The following ADAM22 variants were observed in gnomAD, a reference collection of about 807,000 sequenced individuals.
ADAM22 encodes the protein disintegrin and metalloproteinase domain-containing protein 22.
Under a neutral mutation model 144.6 loss-of-function variants are expected in ADAM22, and 65 were observed. The ratio of observed to expected loss-of-function variants is 0.45; its 90% CI spans 0.37 to 0.55. The LOEUF is 0.55. Ranked by LOEUF, ADAM22 falls within the 20% of genes least tolerant of loss-of-function variation. ADAM22 has a pLI of 0.00. For synonymous variants in ADAM22, 391 were observed against 412.6 expected, an observed-to-expected ratio of 0.95 and a Z score of 0.63; for missense variants, 974 against 1,184.9, an observed-to-expected ratio of 0.82 and a Z score of 2.61.
Position 88,024,890 on chromosome 7 carries a change from T to C in ADAM22, c.323+46478T>C, listed in dbSNP as rs910479515. Among the ~76,000 whole-genome samples the C allele has an allele frequency of 2.2e-4, 33 of 152,222 alleles. 2 individuals are homozygous for C. Among genetic ancestry groups the C allele is most frequent in the Non-Finnish European group, 1.5e-5 (1 of 68,042 alleles). On this transcript the variant is annotated intron_variant, in intron 3 of 31. Coordinates refer to ENST00000413139, the MANE Select transcript of ADAM22 (RefSeq NM_001324418.2). The stretch of plus-strand genomic sequence containing the variant: ...TACAAAGGACATGAACTCATCATTT[T>C]TTATGGCTACATAGTATTCCATGGT...
intron 31 of ADAM22, among the ~76,000 whole-genome samples, chr7:88,195,564 A>G (rs1265100624): frequency 3.3e-5 from 5 of 152,060 alleles, no homozygotes; most frequent in African/African-American, 9.7e-5. Flanking sequence ...CGCCCAGGCT[A>G]TAGTGCAATG....
intron 4 of ADAM22, among the ~76,000 whole-genome samples, chr7:88,094,851 A>T (rs753629304): frequency 4.6e-5 from 7 of 152,216 alleles, no homozygotes; most frequent in Non-Finnish European, 8.8e-5. Context: ...TCCAGGACAT[A>T]TCTGTGGTTT....
chr7:88,097,579 T>G (rs978624701), intron 4 of ADAM22, among the ~76,000 whole-genome samples: 3 of 151,060 alleles, frequency 2.0e-5, no homozygotes, highest in Non-Finnish European at 4.4e-5. Context: ...AACGATTTCC[T>G]TTTTTTCCTT....
Position 88,116,738 on chromosome 7 carries a change from A to G in ADAM22, c.538-7A>G, listed in dbSNP as rs748777929. On this transcript the variant is annotated splice_polypyrimidine_tract_variant and splice_region_variant and intron_variant, in intron 6 of 31. Transcript: ENST00000413139. ...ATGCTTAATCACTGTTGCTTGTGTC[A>G]TTTCAGGAGGATTTCCATTTTCATT... is the stretch of plus-strand genomic sequence containing the variant. The G allele has an allele frequency of 1.9e-6, 3 of 1,611,626 alleles. No homozygotes were observed. Among genetic ancestry groups the G allele is most frequent in the South Asian group, 2.2e-5 (2 of 90,928 alleles).
intron 3 of ADAM22, among the ~76,000 whole-genome samples, chr7:87,979,135 G>A (rs1852662314): frequency 6.6e-6 from 1 of 152,094 alleles, no homozygotes. Context: ...GGCAGAATTG[G>A]GCTATAGTTT....
At chr7:87,998,233 C>T (rs1482478709) in intron 3 of ADAM22, among the ~76,000 whole-genome samples, 1 of 152,090 alleles carries the variant, frequency 6.6e-6, no homozygotes, top group Non-Finnish European at 1.5e-5. Context: ...CTCTCCCGGT[C>T]CACTGACTCA....
chr7:87,938,361 G>A (rs1841770090), intron 2 of ADAM22, among the ~76,000 whole-genome samples: 1 of 151,702 alleles, frequency 6.6e-6, no homozygotes. Flanking sequence ...TGGGATTACA[G>A]GCACCCACCA....
In ADAM22 at chr7:88,168,380, A is replaced by C. The variant is rs777083836; in HGVS notation, c.2282+153A>C. 13 of 760,222 alleles carry C rather than the reference A, an allele frequency of 1.7e-5. No individual in the cohort carries two copies. The East Asian group carries it at 3.4e-4, about 20-fold the overall frequency. 47.1% of individuals were successfully genotyped at this position (760,222 alleles called of 1,614,324 possible). ...CAGCCAGTCAATGCTTATTCTTGGCATGGCGAGAAGTGATAATAACATCAT... is the reference window on the plus strand; with the variant it reads ...CAGCCAGTCAATGCTTATTCTTGGCCTGGCGAGAAGTGATAATAACATCAT... On this transcript the variant is annotated intron_variant, in intron 25 of 31. Transcript: ENST00000413139.
At position 87,955,837 on chromosome 7, in the gene ADAM22, G is replaced by A. The variant is rs187465150; in HGVS notation, c.246+20651G>A. 1.8e-3 allele frequency among the ~76,000 whole-genome samples: 279 copies of A among 152,264 alleles called. 2 individuals are homozygous for A. Among genetic ancestry groups the A allele is most frequent in the Non-Finnish European group, 3.0e-3 (206 of 68,014 alleles). ...TAAGCGAGCCTGGGCAATGGTGGGC[G>A]CCCCTCCCCCAGCCTCGCTGCTGCC... On this transcript the variant is annotated intron_variant, in intron 2 of 31. Transcript: ENST00000413139.
At chr7:88,021,165 T>C (rs935438385) in intron 3 of ADAM22, among the ~76,000 whole-genome samples, 1 of 152,174 alleles carries the variant, frequency 6.6e-6, no homozygotes, top group East Asian at 1.9e-4. Context: ...GTCAGCCTCT[T>C]GGGGCACAGG....
intron 14 of ADAM22, among the ~76,000 whole-genome samples, chr7:88,138,559 T>C (rs1328723919): frequency 6.6e-6 from 1 of 152,264 alleles, no homozygotes; most frequent in African/African-American, 2.4e-5. Context: ...CTACCATTTC[T>C]ACTTTCTGAA....
chr7:88,025,598 T>C (rs1366753262), intron 3 of ADAM22, among the ~76,000 whole-genome samples: 1 of 152,216 alleles, frequency 6.6e-6, no homozygotes, highest in African/African-American at 2.4e-5. Flanking sequence ...TATCCAGTTT[T>C]CCCAGCACCA....
rs949456251 is a variant in ADAM22 at position 88,110,351 on chromosome 7, T to C, written c.473+2093T>C. 1.1e-4 allele frequency among the ~76,000 whole-genome samples: 16 copies of C among 152,184 alleles called. No individual in the cohort carries two copies. The East Asian group carries it at 1.6e-3, about 15-fold the overall frequency. On this transcript the variant is annotated intron_variant, in intron 5 of 31. Transcript: ENST00000413139. ...GGGGTAAAAAATGAAGTGTTTTTTTTCCCCTTTTCTCTCTCTTAAAATCTC... is the reference window on the plus strand; with the variant it reads ...GGGGTAAAAAATGAAGTGTTTTTTTCCCCCTTTTCTCTCTCTTAAAATCTC...
chr7:87,934,892 T>C, intron 1 of ADAM22, 134 bp from the exon 2 acceptor site: 1 of 1,252,942 alleles, frequency 8.0e-7, no homozygotes, highest in Non-Finnish European at 1.2e-6. Context: ...CCTTCCCAGT[T>C]GGGTTCCGAG....
chr7:87,942,052 G>A (rs1207387994), intron 2 of ADAM22, among the ~76,000 whole-genome samples: 1 of 152,054 alleles, frequency 6.6e-6, no homozygotes, highest in Non-Finnish European at 1.5e-5. Flanking sequence ...GGGCTAATTA[G>A]ATAGGGCCAT....
intron 3 of ADAM22, among the ~76,000 whole-genome samples, chr7:87,979,342 A>G (rs1355018969): frequency 1.3e-5 from 2 of 152,192 alleles, no homozygotes; most frequent in Admixed American, 6.5e-5. Flanking sequence ...GTGGCTGTTT[A>G]AATTTACATT....
intron 2 of ADAM22, among the ~76,000 whole-genome samples, chr7:87,970,727 G>A (rs1210883306): frequency 1.3e-5 from 2 of 152,158 alleles, no homozygotes; most frequent in Non-Finnish European, 2.9e-5. Flanking sequence ...CATGAGAAAC[G>A]AGTGTTATAT....
rs148861065 is a variant in ADAM22 at position 88,002,843 on chromosome 7, A to G, written c.323+24431A>G. Among the ~76,000 whole-genome samples the G allele has an allele frequency of 2.8e-3, 430 of 152,320 alleles. 2 individuals are homozygous for G. The highest frequency in any genetic ancestry group is 8.9e-3 in the East Asian group (46 of 5,188). ...TTCCTCCTTGATCCTGACCCAAGAC[A>G]TAATTCATTTTTAAGAAGGCTGGCC... On this transcript the variant is annotated intron_variant, in intron 3 of 31. Transcript: ENST00000413139.
At chr7:88,128,811 T>C in intron 9 of ADAM22, 135 bp downstream of exon 9, 1 of 602,512 alleles carries the variant, frequency 1.7e-6, no homozygotes, top group East Asian at 3.1e-5. Context: ...AATATATTTG[T>C]TAACTAGCAA....
Sources: gnomAD v4.1 joint callset for allele counts (sites outside exome capture counted in the v4.1 genomes callset) on GRCh38, gnomAD v4.1.1 for gene constraint, MANE v1.5 for transcripts, NCBI Gene and HGNC (gene_info 2026-07-23, HGNC 2026-07-21) for gene names.